PPFIA3: variants seen among roughly 807,000 people sequenced by gnomAD.
PPFIA3 encodes the protein liprin-alpha-3.
In PPFIA3, 26 loss-of-function variants were observed where a neutral mutation model predicts 145.8. The ratio of observed to expected loss-of-function variants is 0.18; its 90% CI spans 0.13 to 0.25. The LOEUF is 0.25. PPFIA3 is among the 10% of genes least tolerant of loss of function. The probability of loss-of-function intolerance (pLI) is 1.00; values close to 1 mark genes in which losing one functional copy is unlikely to be tolerated. For missense variants in PPFIA3, 1,008 were observed against 1,587.8 expected (o/e 0.63, Z 6.21); for synonymous variants, 645 against 661.4 (o/e 0.98, Z 0.38).
chr19:49,133,956 C>A lies in PPFIA3; in HGVS notation c.1245+77C>A. 3 of 1,605,486 alleles carry A rather than the reference C, an allele frequency of 1.9e-6. No individual in the cohort carries two copies. In the South Asian group the frequency reaches 3.3e-5, roughly 18 times the overall value. Reference sequence around the variant, plus strand: ...GCTTAATAAGGAGGCTGGGCTGGGCCCGGGGGTGGGGCTTAGAGGAAGGGC... The same window carrying A: ...GCTTAATAAGGAGGCTGGGCTGGGCACGGGGGTGGGGCTTAGAGGAAGGGC... On this transcript the variant is annotated intron_variant, in intron 10 of 29. Transcript: ENST00000334186. The surrounding 1 kb of genome is among the most constrained non-coding windows in gnomAD (Gnocchi z 7.2).
At chr19:49,138,622 A>G (rs552273716) in intron 16 of PPFIA3, among the ~76,000 whole-genome samples, 195 bp downstream of exon 16, 2 of 152,338 alleles carry the variant, frequency 1.3e-5, no homozygotes, top group East Asian at 1.9e-4. Context: ...CTTTCACTTT[A>G]GTCAGATCTG....
In PPFIA3 at chr19:49,150,040, AGGGTGCT is replaced by A. The variant is rs781209236; in HGVS notation, c.3527-39_3527-33del. On this transcript the variant is annotated intron_variant, in intron 28 of 29. Coordinates refer to ENST00000334186, the MANE Select transcript of PPFIA3 (RefSeq NM_003660.4). ...GGAATCCTGGAGAGGAACAGGGAGGAGGGTGCTCCAGGCTGAACCGCTGCTCGCTCTC... is the reference window on the plus strand; with the variant it reads ...GGAATCCTGGAGAGGAACAGGGAGGACCAGGCTGAACCGCTGCTCGCTCTC... 9 of 1,583,170 alleles carry A rather than the reference AGGGTGCT, an allele frequency of 5.7e-6. No homozygotes were observed. In the South Asian group the frequency reaches 1.0e-4, roughly 18 times the overall value.
chr19:49,142,948 G>T lies in PPFIA3; in HGVS notation c.2689G>T (p.Ala897Ser). The T allele has an allele frequency of 6.2e-7, 1 of 1,613,100 alleles. No homozygotes were observed. Residue 897 changes from alanine (A) to serine (S), a missense_variant, in exon 21 of 30, where the codon GCC (alanine) becomes TCC (serine). Physicochemically the swap from Ala to Ser is moderately conservative, Grantham distance 99. Transcript: ENST00000334186. Reference protein sequence around the residue: ...NPLHRLKLRLAIQEMVSLTSP... With the variant: ...NPLHRLKLRLSIQEMVSLTSP... ...GCTGCACCGACTCAAGCTACGCCTC[G>T]CCATCCAGGAGATGGTCTCGCTCAC...
At chr19:49,122,310 C>T (rs371788110) in intron 1 of PPFIA3, among the ~76,000 whole-genome samples, 3 of 151,942 alleles carry the variant, frequency 2.0e-5, no homozygotes, top group Non-Finnish European at 4.4e-5. Flanking sequence ...CTCGAGTTCC[C>T]GACCTCAGGT....
At chr19:49,137,027 A>G in intron 15 of PPFIA3, 116 bp downstream of exon 15, 1 of 1,043,040 alleles carries the variant, frequency 9.6e-7, no homozygotes, top group Non-Finnish European at 1.3e-6. Context: ...TCCACAAGGA[A>G]TTCTTCCAGC....
At position 49,130,533 on chromosome 19, in the gene PPFIA3, C is replaced by T. The variant is rs768255540; in HGVS notation, c.813C>T (p.Gly271=). 28 of 1,581,688 alleles carry T rather than the reference C, an allele frequency of 1.8e-5. No individual in the cohort carries two copies. Among genetic ancestry groups the T allele is most frequent in the Non-Finnish European group, 1.7e-6 (2 of 1,164,846 alleles). The change falls in exon 7 of 30, where the codon GGC becomes GGT. Residue 271 remains glycine, a synonymous_variant. Coordinates refer to ENST00000334186, the MANE Select transcript of PPFIA3 (RefSeq NM_003660.4). The surrounding 1 kb of genome is among the most constrained non-coding windows in gnomAD (Gnocchi z 4.5). ...RQMSQLEEEL[G]TAHRELGKAE... ...TGAGCCAGCTGGAGGAGGAGTTGGGCACCGCGCACCGTGAGCTGGGCAAGG... is the reference window on the plus strand; with the variant it reads ...TGAGCCAGCTGGAGGAGGAGTTGGGTACCGCGCACCGTGAGCTGGGCAAGG...
chr19:49,135,448 CT>C (rs2041126727), intron 13 of PPFIA3, among the ~76,000 whole-genome samples: 1 of 152,236 alleles, frequency 6.6e-6, no homozygotes, highest in Non-Finnish European at 1.5e-5. Context: ...TCTCAGCTCA[CT>C]GCAACCTCCG....
chr19:49,134,627 C>G lies in PPFIA3; in HGVS notation c.1378-12C>G. On this transcript the variant is annotated splice_polypyrimidine_tract_variant and intron_variant, in intron 11 of 29. Transcript: ENST00000334186. ...CAGGCCTCACTCCCTCACTTCACCTCTGTCTCCACAGAACTCCCTGAGCGA... is the reference window on the plus strand; with the variant it reads ...CAGGCCTCACTCCCTCACTTCACCTGTGTCTCCACAGAACTCCCTGAGCGA... 1 of 1,613,304 alleles carries G rather than the reference C, an allele frequency of 6.2e-7. No individual in the cohort carries two copies. Among genetic ancestry groups the G allele is most frequent in the Non-Finnish European group, 8.5e-7 (1 of 1,179,708 alleles).
At chr19:49,129,050 C>G in intron 4 of PPFIA3, 38 bp downstream of exon 4, 1 of 1,543,164 alleles carries the variant, frequency 6.5e-7, no homozygotes, top group Non-Finnish European at 8.8e-7. Context: ...AGAATGGAAA[C>G]CTATAGTTGA....
intron 20 of PPFIA3, 81 bp from the exon 21 acceptor site, chr19:49,142,723 C>T: frequency 7.8e-7 from 1 of 1,274,952 alleles, no homozygotes; most frequent in Non-Finnish European, 1.1e-6. Context: ...TGCCTTTCCC[C>T]ACCTCCCTGT....
At position 49,128,892 on chromosome 19, in the gene PPFIA3, G is replaced by A; in HGVS notation, c.387G>A (p.Arg129=). 6.2e-7 allele frequency: 1 copy of A among 1,613,454 alleles called. No individual in the cohort carries two copies. The highest frequency in any genetic ancestry group is 8.5e-7 in the Non-Finnish European group (1 of 1,179,680). The change falls in exon 4 of 30, where the codon AGG becomes AGA. Residue 129 remains arginine (R), a synonymous_variant. Coordinates refer to ENST00000334186, the MANE Select transcript of PPFIA3 (RefSeq NM_003660.4). The surrounding 1 kb of genome is among the most constrained non-coding windows in gnomAD (Gnocchi z 4.1). ...AGTGCCTGGTGTCCAGGCACGAGAGGTCACTGCGCATGACCGTGGTGAAGC... is the reference window on the plus strand; with the variant it reads ...AGTGCCTGGTGTCCAGGCACGAGAGATCACTGCGCATGACCGTGGTGAAGC... ...HLECLVSRHE[R]SLRMTVVKRQ... is the part of the protein sequence containing the mutation.
At position 49,130,186 on chromosome 19, in the gene PPFIA3, C is replaced by T; in HGVS notation, c.657+119C>T. ...AAGACGGCTGCACCTGTAAGAGTGT[C>T]ACAGAGCTTGGACCTCTGATTCAGG... On this transcript the variant is annotated intron_variant, in intron 6 of 29. Coordinates refer to ENST00000334186, the MANE Select transcript of PPFIA3 (RefSeq NM_003660.4). This position sits in a 1 kb window ranked among gnomAD's most constrained non-coding sequence, Gnocchi z 4.5. 8.1e-7 allele frequency: 1 copy of T among 1,231,106 alleles called. No individual in the cohort carries two copies. Among genetic ancestry groups the T allele is most frequent in the Non-Finnish European group, 1.1e-6 (1 of 891,626 alleles). 76.3% of individuals were successfully genotyped at this position (1,231,106 alleles called of 1,614,324 possible).
chr19:49,124,475 T>C (rs1201474256), intron 1 of PPFIA3, among the ~76,000 whole-genome samples: 1 of 152,214 alleles, frequency 6.6e-6, no homozygotes, highest in Admixed American at 6.5e-5. Flanking sequence ...TCATTATGTA[T>C]GTGGGGTTCT....
In PPFIA3 at chr19:49,136,724, G is replaced by C; in HGVS notation, c.1666G>C (p.Asp556His). 6.7e-7 allele frequency: 1 copy of C among 1,503,312 alleles called. No homozygotes were observed. The allele number at this position is 1,503,312 out of a possible 1,614,324, so 93.1% of individuals were successfully genotyped here. ...WSGVKEEPSK[D>H]WERSAPAGSI... Reference sequence around the variant, plus strand: ...TCCCTCTGTCCCCACACAGGGATAGGATTGGGAGCGGTCTGCCCCTGCGGG... The same window carrying C: ...TCCCTCTGTCCCCACACAGGGATAGCATTGGGAGCGGTCTGCCCCTGCGGG... Residue 556 changes from aspartate to histidine, a missense_variant and splice_region_variant, in exon 15 of 30, where the codon GAT becomes CAT. Asp to His is a moderately conservative substitution (Grantham distance 81, BLOSUM62 -1). Coordinates refer to ENST00000334186, the MANE Select transcript of PPFIA3 (RefSeq NM_003660.4).
At chr19:49,146,443 T>G in intron 23 of PPFIA3, 2 of 575,402 alleles carry the variant, frequency 3.5e-6, no homozygotes, top group South Asian at 2.1e-5. Context: ...TCGTGGGTTG[T>G]GGGGGCTCTA....
At chr19:49,129,878 G>T in intron 5 of PPFIA3, 115 bp from the exon 6 acceptor site, 1 of 1,090,640 alleles carries the variant, frequency 9.2e-7, no homozygotes, top group South Asian at 1.3e-5. Context: ...GCCCCAGCAC[G>T]ACCGGAGGCA....
Position 49,130,273 on chromosome 19 carries a change from C to A in PPFIA3, c.658-105C>A. On this transcript the variant is annotated intron_variant, in intron 6 of 29. Transcript: ENST00000334186. This position sits in a 1 kb window ranked among gnomAD's most constrained non-coding sequence, Gnocchi z 4.5. ...CCCGTGGACTCTGACCAGCATGATCCTTATTGATCTTTGATCTACTTTCAG... is the reference window on the plus strand; with the variant it reads ...CCCGTGGACTCTGACCAGCATGATCATTATTGATCTTTGATCTACTTTCAG... The A allele has an allele frequency of 7.9e-7, 1 of 1,261,108 alleles. No homozygotes were observed. Among genetic ancestry groups the A allele is most frequent in the Non-Finnish European group, 1.1e-6 (1 of 914,282 alleles). 78.1% of individuals were successfully genotyped at this position (1,261,108 alleles called of 1,614,324 possible). A position where few individuals can be genotyped will look rare whatever the true frequency, so the allele number is the denominator to read the frequency against.
Position 49,139,847 on chromosome 19 carries a change from G to C in PPFIA3, c.2240+16G>C. 6.2e-7 allele frequency: 1 copy of C among 1,610,398 alleles called. No homozygotes were observed. Among genetic ancestry groups the C allele is most frequent in the Non-Finnish European group, 8.5e-7 (1 of 1,177,568 alleles). On this transcript the variant is annotated intron_variant, in intron 17 of 29. Transcript: ENST00000334186. Reference sequence around the variant, plus strand: ...CACGGGGAAGGTCAGCAGGGACAAGGGATAGGGACAGGGAGAAGCTGGCTT... The same window carrying C: ...CACGGGGAAGGTCAGCAGGGACAAGCGATAGGGACAGGGAGAAGCTGGCTT...
intron 18 of PPFIA3, 112 bp from the exon 19 acceptor site, chr19:49,141,308 C>T (rs1400625634): frequency 1.5e-5 from 11 of 729,384 alleles, no homozygotes; most frequent in Admixed American, 2.5e-5. Flanking sequence ...TGCCCTCACT[C>T]ACTACTCCCT....
Sources: allele counts gnomAD v4.1 joint callset (sites outside exome capture counted in the v4.1 genomes callset), GRCh38; gene constraint gnomAD v4.1.1; non-coding constraint Gnocchi (gnomAD v3.1); transcripts MANE v1.5; gene names NCBI Gene and HGNC (gene_info 2026-07-23, HGNC 2026-07-21).